ADAP1: variants seen among roughly 807,000 people sequenced by gnomAD.
ADAP1 encodes the protein ArfGAP with dual PH domains 1.
In ADAP1, 31 loss-of-function variants were observed where a neutral mutation model predicts 54.9. The ratio of observed to expected loss-of-function variants is 0.56; its 90% CI spans 0.42 to 0.76. ADAP1 has a LOEUF of 0.76. ADAP1 is among the 30% of genes least tolerant of loss of function. The pLI is 0.00. For synonymous variants in ADAP1, 313 were observed against 202.6 expected, an observed-to-expected ratio of 1.55 and a Z score of -4.63; for missense variants, 535 against 512.4, an observed-to-expected ratio of 1.04 and a Z score of -0.42.
rs1562911737 is a variant in ADAP1, at chr7:905,411, GGGAGAAAGAGAAAGGAGAAA to G, written c.389-259_389-240del. ...GAAAGGAGAAAGGAGAAAGGAGAAAGGGAGAAAGAGAAAGGAGAAAGGAGAAAGGGAGAAAGGGAGAAAGG... is the reference window on the plus strand; with the variant it reads ...GAAAGGAGAAAGGAGAAAGGAGAAAGGGAGAAAGGGAGAAAGGGAGAAAGG... On this transcript the variant is annotated intron_variant, in intron 4 of 10. Transcript: ENST00000265846. The G allele has an allele frequency of 8.4e-5, 11 of 130,908 alleles. 1 individual carries two copies. The highest frequency in any genetic ancestry group is 2.7e-4 in the South Asian group (3 of 11,228). 8.1% of individuals were successfully genotyped at this position (130,908 alleles called of 1,614,324 possible). A position where few individuals can be genotyped will look rare whatever the true frequency, so the allele number is the denominator to read the frequency against.
At position 905,424 on chromosome 7, in the gene ADAP1, A is replaced by C. The variant is rs1490225108; in HGVS notation, c.389-252T>G. The C allele has an allele frequency of 1.4e-5, 2 of 141,230 alleles. 1 individual carries two copies. Among genetic ancestry groups the C allele is most frequent in the African/African-American group, 2.4e-4 (2 of 8,312 alleles). 8.7% of individuals were successfully genotyped at this position (141,230 alleles called of 1,614,324 possible). A position where few individuals can be genotyped will look rare whatever the true frequency, so the allele number is the denominator to read the frequency against. On this transcript the variant is annotated intron_variant, in intron 4 of 10. Transcript: ENST00000265846. ...AGAAAGGAGAAAGGGAGAAAGAGAA[A>C]GGAGAAAGGAGAAAGGGAGAAAGGG...
rs770849087 is a variant in ADAP1, at chr7:945,428, C to T, written c.82+8968G>A. ...CACTCGGGGCACTGAACCGTGGGGC[C>T]GGCCCTGCTTCTGCCCAGGACCACT... On this transcript the variant is annotated intron_variant, in intron 1 of 10. Coordinates refer to ENST00000265846, the MANE Select transcript of ADAP1 (RefSeq NM_006869.4). The surrounding 1 kb of genome is among the most constrained non-coding windows in gnomAD (Gnocchi z 4.2). 7.2e-5 allele frequency among the ~76,000 whole-genome samples: 11 copies of T among 152,212 alleles called. No homozygotes were observed. Among genetic ancestry groups the T allele is most frequent in the Admixed American group, 2.6e-4 (4 of 15,292 alleles).
chr7:954,170 G>C lies in ADAP1; in HGVS notation c.82+226C>G, dbSNP rs1180432171. ...GGCAGGGGGGTTTCCGGGGGTCCTGGGGGGGGCCCCCCCGCTGCGCCCGGC... is the reference window on the plus strand; with the variant it reads ...GGCAGGGGGGTTTCCGGGGGTCCTGCGGGGGGCCCCCCCGCTGCGCCCGGC... On this transcript the variant is annotated intron_variant, in intron 1 of 10. Transcript: ENST00000265846. Among the ~76,000 whole-genome samples, 19 of 151,278 alleles carry C rather than the reference G, an allele frequency of 1.3e-4. No individual in the cohort carries two copies. In the South Asian group the frequency reaches 2.9e-3, roughly 23 times the overall value.
chr7:912,902 G>T (rs553145534), intron 4 of ADAP1, among the ~76,000 whole-genome samples: 1 of 152,326 alleles, frequency 6.6e-6, no homozygotes, highest in African/African-American at 2.4e-5. Flanking sequence ...ACACTGGAGT[G>T]CAGTGGTGCA....
At position 904,204 on chromosome 7, in the gene ADAP1, G is replaced by A. The variant is rs140582393; in HGVS notation, c.570C>T (p.Gly190=). The A allele has an allele frequency of 1.9e-6, 3 of 1,611,386 alleles. No individual in the cohort carries two copies. In the South Asian group the frequency reaches 3.3e-5, roughly 18 times the overall value. The change falls in exon 6 of 11, where the codon GGC becomes GGT. Residue 190 remains glycine, a synonymous_variant. Transcript: ENST00000265846. ...AGGTGACCTGCAGGCCGTGGGGGTGGCCGATCTTGGCCGGCTGGAAGGTGG... is the reference window on the plus strand; with the variant it reads ...AGGTGACCTGCAGGCCGTGGGGGTGACCGATCTTGGCCGGCTGGAAGGTGG... The part of the protein sequence containing the change: ...LNATFQPAKI[G]HPHGLQVTYL...
intron 4 of ADAP1, among the ~76,000 whole-genome samples, chr7:918,846 C>G (rs1434634210): frequency 6.7e-6 from 1 of 148,872 alleles, no homozygotes; most frequent in Non-Finnish European, 1.5e-5. Context: ...GAGGAGGAAG[C>G]CAGCCCACCC....
Position 935,332 on chromosome 7 carries a change from A to G in ADAP1, c.213+43T>C, listed in dbSNP as rs200506391. On this transcript the variant is annotated intron_variant, in intron 2 of 10. Transcript: ENST00000265846. The stretch of plus-strand genomic sequence containing the variant: ...GGCTCCAGAGGCCCGGGCTGAGGCC[A>G]CCCGGGGACTGCGCGGGTCCCCCCG... 4.0e-5 allele frequency: 62 copies of G among 1,540,032 alleles called. No homozygotes were observed. In the East Asian group the frequency reaches 1.4e-3, roughly 34 times the overall value.
In ADAP1 at chr7:938,038, A is replaced by C. The variant is rs1846832654; in HGVS notation, c.83-2533T>G. Reference sequence around the variant, plus strand: ...CAGGCTTTCTCCTCACCCCTCAGTCAGTCAAACATTTGCCCAAGTGACCCT... The same window carrying C: ...CAGGCTTTCTCCTCACCCCTCAGTCCGTCAAACATTTGCCCAAGTGACCCT... On this transcript the variant is annotated intron_variant, in intron 1 of 10. Coordinates refer to ENST00000265846, the MANE Select transcript of ADAP1 (RefSeq NM_006869.4). This position sits in a 1 kb window ranked among gnomAD's most constrained non-coding sequence, Gnocchi z 4.4. Among the ~76,000 whole-genome samples the C allele has an allele frequency of 6.6e-6, 1 of 152,216 alleles. No homozygotes were observed. Among genetic ancestry groups the C allele is most frequent in the Non-Finnish European group, 1.5e-5 (1 of 68,030 alleles).
intron 3 of ADAP1, chr7:922,913 C>CCG: frequency 7.5e-6 from 1 of 132,462 alleles, no homozygotes. Flanking sequence ...ACCACCTGAA[C>CCG]CGCGACCCCA....
chr7:903,624 TCCC>T (rs1313613204), intron 6 of ADAP1, among the ~76,000 whole-genome samples: 2 of 151,386 alleles, frequency 1.3e-5, no homozygotes, highest in Non-Finnish European at 2.9e-5. Flanking sequence ...TTACCTGGGT[TCCC>T]CCCAAGCCCT....
chr7:944,086 A>G (rs1847079065), intron 1 of ADAP1, among the ~76,000 whole-genome samples: 1 of 151,620 alleles, frequency 6.6e-6, no homozygotes, highest in African/African-American at 2.4e-5. Context: ...CAGCTACTTT[A>G]AAAAACTTTT....
chr7:919,243 G>A (rs974081078), intron 4 of ADAP1, among the ~76,000 whole-genome samples: 16 of 152,198 alleles, frequency 1.1e-4, no homozygotes, highest in African/African-American at 3.6e-4. Context: ...ACGCCCTCAC[G>A]CCCCTCACCC....
rs1320471440 is a variant in ADAP1 at position 920,065 on chromosome 7, G to C, written c.306-15C>G. Reference sequence around the variant, plus strand: ...CTCGAAGGAGCCTGTGGGGAGAGGAGAGACTGAGCCACTGGGCCAAGGCGG... The same window carrying C: ...CTCGAAGGAGCCTGTGGGGAGAGGACAGACTGAGCCACTGGGCCAAGGCGG... On this transcript the variant is annotated splice_polypyrimidine_tract_variant and intron_variant, in intron 3 of 10. Transcript: ENST00000265846. This position sits in a 1 kb window ranked among gnomAD's most constrained non-coding sequence, Gnocchi z 4.5. The C allele has an allele frequency of 1.9e-6, 3 of 1,603,368 alleles. No homozygotes were observed. The highest frequency in any genetic ancestry group is 1.7e-5 in the Admixed American group (1 of 59,852).
At position 920,556 on chromosome 7, in the gene ADAP1, G is replaced by A. The variant is rs535230279; in HGVS notation, c.306-506C>T. Among the ~76,000 whole-genome samples the A allele has an allele frequency of 6.6e-5, 10 of 151,990 alleles. No homozygotes were observed. The highest frequency in any genetic ancestry group is 7.4e-5 in the Non-Finnish European group (5 of 67,968). Reference sequence around the variant, plus strand: ...CTCCACCCGCCGTGCCGCCCTCCACGTGGTTCTGAGACACAGGACGGAGCT... The same window carrying A: ...CTCCACCCGCCGTGCCGCCCTCCACATGGTTCTGAGACACAGGACGGAGCT... On this transcript the variant is annotated intron_variant, in intron 3 of 10. Coordinates refer to ENST00000265846, the MANE Select transcript of ADAP1 (RefSeq NM_006869.4). The surrounding 1 kb of genome is among the most constrained non-coding windows in gnomAD (Gnocchi z 4.5).
rs771734168 is a variant in ADAP1, at chr7:935,498, G to C, written c.90C>G (p.Asp30Glu). 6.4e-7 allele frequency: 1 copy of C among 1,563,116 alleles called. No individual in the cohort carries two copies. The highest frequency in any genetic ancestry group is 1.2e-5 in the South Asian group (1 of 84,826). The change falls in exon 2 of 11, where the codon GAC (aspartate) becomes GAG (glutamate). Residue 30 changes from aspartate (D) to glutamate (E), a missense_variant. Transcript: ENST00000265846. ...RCADCGAPDPDWASYTLGVFI... is the reference protein window; with the variant it reads ...RCADCGAPDPEWASYTLGVFI... ...AGACGCCCAGAGTGTAGGAGGCCCA[G>C]TCGGGATCTGCAAGGGAAAGCCGGA...
At chr7:921,247 C>T (rs1846182412) in intron 3 of ADAP1, among the ~76,000 whole-genome samples, 1 of 152,238 alleles carries the variant, frequency 6.6e-6, no homozygotes, top group Non-Finnish European at 1.5e-5. Flanking sequence ...CTGGCCTTCC[C>T]TGTGGGGTTT....
intron 7 of ADAP1, 27 bp from the exon 8 acceptor site, chr7:900,191 ACCTCAGAAGTGCAGCTCAGGCCGAGCC>A: frequency 6.2e-7 from 1 of 1,612,392 alleles, no homozygotes; most frequent in South Asian, 1.1e-5. Context: ...CAGGCAGGGG[ACCTCAGAAGTGCAGCTCAGGCCGAGCC>A]CCTCCCTGGC....
At chr7:930,454 G>A (rs2128107608) in intron 2 of ADAP1, among the ~76,000 whole-genome samples, 1 of 8,606 alleles carries the variant, frequency 1.2e-4, no homozygotes, top group East Asian at 0.016. Flanking sequence ...AAGGCGGGCG[G>A]ATCACGAGGT....
chr7:935,694 G>T (rs79898766), intron 1 of ADAP1, among the ~76,000 whole-genome samples, 189 bp from the exon 2 acceptor site: 33,505 of 149,262 alleles, frequency 0.22, 4,267 homozygotes, highest in South Asian at 0.44. Context: ...TCTGCCCGGT[G>T]CAGACGGGGC....
Sources: gnomAD v4.1 joint callset for allele counts (sites outside exome capture counted in the v4.1 genomes callset) on GRCh38, gnomAD v4.1.1 for gene constraint, Gnocchi (gnomAD v3.1) non-coding constraint, MANE v1.5 for transcripts, NCBI Gene and HGNC (gene_info 2026-07-23, HGNC 2026-07-21) for gene names.